Variants in ETNK1 observed in about 807,000 individuals in gnomAD.
ETNK1 encodes ethanolamine kinase 1.
ETNK1 carries 8 observed loss-of-function variants against 45.1 expected under a neutral mutation model. That is an observed-to-expected ratio of 0.18 (90% confidence interval 0.10 to 0.32). The LOEUF is 0.32. Among genes scored for constraint, ETNK1 ranks in the 10% least tolerant of loss-of-function variants. The pLI, the probability that ETNK1 is intolerant of heterozygous loss-of-function variation, is 1.00. For synonymous variants in ETNK1, 152 were observed against 151.9 expected (o/e 1.00, Z -0.01); for missense variants, 302 against 430.6 (o/e 0.70, Z 2.64).
intron 1 of ETNK1, among the ~76,000 whole-genome samples, chr12:22,629,587 A>G (rs1215404338): frequency 6.6e-6 from 1 of 152,142 alleles, no homozygotes; most frequent in Non-Finnish European, 1.5e-5. Flanking sequence ...CCAGATCTAT[A>G]CAATTGCTGT....
intron 6 of ETNK1, among the ~76,000 whole-genome samples, chr12:22,675,239 G>A (rs1305778826): frequency 6.6e-6 from 1 of 151,308 alleles, no homozygotes; most frequent in African/African-American, 2.4e-5. Context: ...TAATTTTTCT[G>A]TGGAGATGAG....
chr12:22,627,160 T>A (rs974804090), intron 1 of ETNK1, among the ~76,000 whole-genome samples: 3 of 151,938 alleles, frequency 2.0e-5, no homozygotes, highest in Non-Finnish European at 2.9e-5. Flanking sequence ...ATTTTTTTTT[T>A]ATCTTAGTCG....
At chr12:22,669,844 G>A (rs1215576388) in intron 4 of ETNK1, among the ~76,000 whole-genome samples, 4 of 151,826 alleles carry the variant, frequency 2.6e-5, no homozygotes, top group African/African-American at 9.7e-5. Context: ...TAATACTTGA[G>A]GTAGTTGAAT....
intron 6 of ETNK1, among the ~76,000 whole-genome samples, chr12:22,676,871 T>C (rs1024863622): frequency 5.9e-5 from 9 of 152,034 alleles, no homozygotes; most frequent in African/African-American, 2.2e-4. Flanking sequence ...TTTTTTCTTG[T>C]AAATTTGTTT....
chr12:22,684,418 A>C, intron 6 of ETNK1, 65 bp from the exon 7 acceptor site: 1 of 1,107,576 alleles, frequency 9.0e-7, no homozygotes, highest in South Asian at 1.3e-5. Context: ...AGAATTAGCA[A>C]TTCATATGTG....
At chr12:22,657,091 GC>G (rs1243939788) in intron 2 of ETNK1, among the ~76,000 whole-genome samples, 1 of 152,030 alleles carries the variant, frequency 6.6e-6, no homozygotes, top group African/African-American at 2.4e-5. Context: ...CCATCAAGTT[GC>G]CTGGTGCTTA....
chr12:22,630,492 A>T (rs1328709321), intron 1 of ETNK1, among the ~76,000 whole-genome samples: 2 of 152,156 alleles, frequency 1.3e-5, no homozygotes, highest in Non-Finnish European at 2.9e-5. Context: ...GAAAAGGGAA[A>T]CATTTCTGAG....
chr12:22,681,818 G>T, intron 6 of ETNK1, among the ~76,000 whole-genome samples: 1 of 151,942 alleles, frequency 6.6e-6, no homozygotes, highest in East Asian at 1.9e-4. Flanking sequence ...TACATCTTTT[G>T]TGATGGATTG....
rs954027809 is a variant in ETNK1, at chr12:22,668,033, A to G, written c.701-3239A>G. ...TCATATACTTTACTTTGTGCTTGTCATTGTGATAATTACATAAAGATAAAT... is the reference window on the plus strand; with the variant it reads ...TCATATACTTTACTTTGTGCTTGTCGTTGTGATAATTACATAAAGATAAAT... On this transcript the variant is annotated intron_variant, in intron 4 of 7. Transcript: ENST00000266517. 6.6e-5 allele frequency among the ~76,000 whole-genome samples: 10 copies of G among 152,212 alleles called. No homozygotes were observed. The East Asian group carries it at 1.9e-3, about 29-fold the overall frequency.
intron 4 of ETNK1, among the ~76,000 whole-genome samples, chr12:22,665,524 G>T (rs1245708998): frequency 1.3e-5 from 2 of 152,008 alleles, no homozygotes; most frequent in African/African-American, 4.8e-5. Flanking sequence ...CTAACATAGG[G>T]GTTGGCAAAC....
At chr12:22,646,733 T>C (rs1162509031) in intron 2 of ETNK1, among the ~76,000 whole-genome samples, 1 of 151,842 alleles carries the variant, frequency 6.6e-6, no homozygotes, top group African/African-American at 2.4e-5. Context: ...GCTGTATGCT[T>C]ATATTATGAT....
chr12:22,653,111 C>G lies in ETNK1; in HGVS notation c.417-5903C>G, dbSNP rs565986487. On this transcript the variant is annotated intron_variant, in intron 2 of 7. Coordinates refer to ENST00000266517, the MANE Select transcript of ETNK1 (RefSeq NM_018638.5). ...CCTTTCCTCATTGTTCTTCTTTTCC[C>G]GTTGTTGTCCTTTCCTCATTTAAGG... 2.0e-5 allele frequency among the ~76,000 whole-genome samples: 3 copies of G among 151,958 alleles called. No individual in the cohort carries two copies. The East Asian group carries it at 5.8e-4, about 29-fold the overall frequency.
At chr12:22,659,232 T>A in intron 3 of ETNK1, 78 bp downstream of exon 3, 2 of 1,377,816 alleles carry the variant, frequency 1.5e-6, no homozygotes, top group African/African-American at 2.9e-5. Context: ...AATTGTAAAG[T>A]TTCATTGTAT....
intron 2 of ETNK1, among the ~76,000 whole-genome samples, chr12:22,652,840 A>T (rs900999164): frequency 1.3e-5 from 2 of 151,908 alleles, no homozygotes; most frequent in Non-Finnish European, 2.9e-5. Flanking sequence ...TTTAATTTTG[A>T]TGCGGTAGAG....
intron 1 of ETNK1, among the ~76,000 whole-genome samples, chr12:22,630,335 T>C (rs1953559285): frequency 6.6e-6 from 1 of 152,210 alleles, no homozygotes; most frequent in Non-Finnish European, 1.5e-5. Context: ...ACATGTGTTT[T>C]TTGTACTAGC....
chr12:22,655,217 C>T (rs1953923476), intron 2 of ETNK1, among the ~76,000 whole-genome samples: 1 of 152,212 alleles, frequency 6.6e-6, no homozygotes, highest in Non-Finnish European at 1.5e-5. Context: ...ATTCATCCAC[C>T]TTGGCCTCCC....
intron 1 of ETNK1, among the ~76,000 whole-genome samples, chr12:22,641,921 GT>G (rs1953743809): frequency 6.6e-6 from 1 of 152,078 alleles, no homozygotes; most frequent in Non-Finnish European, 1.5e-5. Context: ...TCAGTAATTT[GT>G]ATTGAGTAAT....
chr12:22,634,677 C>T (rs534567552), intron 1 of ETNK1, among the ~76,000 whole-genome samples: 234 of 152,230 alleles, frequency 1.5e-3, no homozygotes, highest in Non-Finnish European at 2.8e-3. Context: ...CCACTACAGC[C>T]TCGACCATGT....
At chr12:22,627,723 G>A (rs909158990) in intron 1 of ETNK1, among the ~76,000 whole-genome samples, 1 of 151,976 alleles carries the variant, frequency 6.6e-6, no homozygotes, top group African/African-American at 2.4e-5. Context: ...TAATTTTAGA[G>A]CAGTCGAGTA....
Sources: gnomAD v4.1 joint callset for allele counts (sites outside exome capture counted in the v4.1 genomes callset) on GRCh38, gnomAD v4.1.1 for gene constraint, MANE v1.5 for transcripts, NCBI Gene and HGNC (gene_info 2026-07-23, HGNC 2026-07-21) for gene names.